The following BET1 variants were observed in gnomAD, a reference collection of about 807,000 sequenced individuals.
The protein encoded by BET1 is Bet1 golgi vesicular membrane trafficking protein.
In BET1, 9 loss-of-function variants were observed where a neutral mutation model predicts 13.9. The observed-to-expected ratio is 0.65, with a 90% confidence interval of 0.39 to 1.13. The LOEUF (loss-of-function observed/expected upper bound fraction) is 1.13. Ranked by LOEUF, BET1 falls within the 50% of genes most tolerant of loss-of-function variation. The pLI, the probability that BET1 is intolerant of heterozygous loss-of-function variation, is 0.01. For missense variants in BET1, 127 were observed against 133.6 expected, an observed-to-expected ratio of 0.95 and a Z score of 0.24; for synonymous variants, 39 against 47.3, an observed-to-expected ratio of 0.82 and a Z score of 0.72.
intron 4 of BET1, among the ~76,000 whole-genome samples, chr7:93,979,001 C>T (rs1339446143): frequency 6.6e-6 from 1 of 152,216 alleles, no homozygotes; most frequent in East Asian, 1.9e-4. Flanking sequence ...CTCAAGGCCT[C>T]TGCCACTGGA....
At chr7:93,982,859 C>A (rs1448479002) in intron 4 of BET1, among the ~76,000 whole-genome samples, 1 of 152,148 alleles carries the variant, frequency 6.6e-6, no homozygotes. Flanking sequence ...ACTATCAACA[C>A]CTCTACATAT....
exon 5 of BET1, chr7:93,975,951 G>A: frequency 8.0e-7 from 1 of 1,252,854 alleles, no homozygotes; most frequent in Non-Finnish European, 1.0e-6. Flanking sequence ...ATTTTGACAT[G>A]TCATGATATA....
intron 4 of BET1, among the ~76,000 whole-genome samples, chr7:93,988,042 A>G (rs1584137148): frequency 6.6e-6 from 1 of 152,236 alleles, no homozygotes; most frequent in African/African-American, 2.4e-5. Context: ...ATCAAGCCAT[A>G]TATTTTTATT....
chr7:93,967,748 A>G (rs1290072810), intron 6 of BET1, among the ~76,000 whole-genome samples: 1 of 151,808 alleles, frequency 6.6e-6, no homozygotes, highest in Non-Finnish European at 1.5e-5. Context: ...TCTCACTTCA[A>G]TAAGTGTAAT....
chr7:93,997,717 A>G (rs541214200), intron 2 of BET1, among the ~76,000 whole-genome samples: 1 of 152,354 alleles, frequency 6.6e-6, no homozygotes, highest in Admixed American at 6.5e-5. Context: ...ATAATGCAGT[A>G]TCAATCACAT....
intron 2 of BET1, 76 bp from the exon 3 acceptor site, chr7:93,996,397 C>T (rs1466867557): frequency 1.0e-5 from 11 of 1,054,352 alleles, no homozygotes; most frequent in Non-Finnish European, 1.4e-5. Flanking sequence ...TAATGTCATT[C>T]TAAGCATACA....
At chr7:93,979,109 A>G (rs566508479) in intron 4 of BET1, among the ~76,000 whole-genome samples, 7 of 152,302 alleles carry the variant, frequency 4.6e-5, no homozygotes, top group Non-Finnish European at 1.0e-4. Context: ...GGTGGTATCC[A>G]ATTGGTCAAG....
downstream of BET1, among the ~76,000 whole-genome samples, chr7:93,991,030 T>C (rs1287264353): frequency 2.0e-5 from 3 of 152,168 alleles, no homozygotes; most frequent in African/African-American, 4.8e-5. Flanking sequence ...GATGCCAATA[T>C]ATATACAAAG....
chr7:94,001,803 T>G (rs1795909790), intron 1 of BET1, among the ~76,000 whole-genome samples: 2 of 152,236 alleles, frequency 1.3e-5, no homozygotes, highest in African/African-American at 4.8e-5. Flanking sequence ...AAGTAATTAC[T>G]GACTGGTTGA....
intron 4 of BET1, among the ~76,000 whole-genome samples, chr7:93,986,609 C>A (rs1795532559): frequency 6.6e-6 from 1 of 152,018 alleles, no homozygotes; most frequent in Admixed American, 6.5e-5. Context: ...GGTAAGATGT[C>A]ACCACTTACA....
rs1795712302 is a variant in BET1 at position 93,994,352 on chromosome 7, C to T, written c.235G>A (p.Gly79Ser). Residue 79 changes from glycine to serine, a missense_variant, in exon 4 of 4, where the codon GGT becomes AGT. Transcript: ENST00000222547. ...ATCTTCAGTTTGCCCATAGTTTTAC[C>T]TAGAAATCCAGTTGTGGAATCAAAT... ...SQFDSTTGFL[G>S]KTMGKLKILS... The T allele has an allele frequency of 1.2e-6, 2 of 1,613,580 alleles. No individual in the cohort carries two copies. The highest frequency in any genetic ancestry group is 8.5e-7 in the Non-Finnish European group (1 of 1,179,736).
chr7:93,993,512 T>C lies in BET1; in HGVS notation c.*718A>G. ...ATTCTGTCACAAATGATAAATGTGC[T>C]ACCTATGTAGTAAAAATCATAAAAC... On this transcript the variant is annotated 3_prime_UTR_variant, in exon 4 of 4. Coordinates refer to ENST00000222547, the MANE Select transcript of BET1 (RefSeq NM_005868.6). 1.0e-6 allele frequency: 1 copy of C among 989,660 alleles called. No homozygotes were observed. The highest frequency in any genetic ancestry group is 4.7e-5 in the South Asian group (1 of 21,262). The allele number at this position is 989,660 out of a possible 1,614,324, so 61.3% of individuals were successfully genotyped here. A position where few individuals can be genotyped will look rare whatever the true frequency, so the allele number is the denominator to read the frequency against.
chr7:93,966,932 A>G (rs1480071221), intron 6 of BET1, among the ~76,000 whole-genome samples: 1 of 151,874 alleles, frequency 6.6e-6, no homozygotes, highest in African/African-American at 2.4e-5. Context: ...ATGCTTCTAA[A>G]TATACTCTTT....
chr7:93,993,828 G>A lies in BET1; in HGVS notation c.*402C>T, dbSNP rs1158054934. ...TCAATTACCATTTTACCACAAACTG[G>A]CTGACTACTTCAAGAGCTCAGAGTC... On this transcript the variant is annotated 3_prime_UTR_variant, in exon 4 of 4. Transcript: ENST00000222547. 6.5e-7 allele frequency: 1 copy of A among 1,530,478 alleles called. No individual in the cohort carries two copies. Among genetic ancestry groups the A allele is most frequent in the East Asian group, 2.5e-5 (1 of 40,720 alleles). The allele number at this position is 1,530,478 out of a possible 1,614,324, so 94.8% of individuals were successfully genotyped here. A position where few individuals can be genotyped will look rare whatever the true frequency, so the allele number is the denominator to read the frequency against.
chr7:93,996,851 T>C (rs1044745797), intron 2 of BET1, among the ~76,000 whole-genome samples: 3 of 151,816 alleles, frequency 2.0e-5, no homozygotes, highest in African/African-American at 4.8e-5. Flanking sequence ...CCCAACCTTA[T>C]TACATTTTGA....
chr7:93,996,357 T>A, intron 2 of BET1, 36 bp from the exon 3 acceptor site: 1 of 1,408,938 alleles, frequency 7.1e-7, no homozygotes, highest in East Asian at 2.5e-5. Context: ...ATTACTCACA[T>A]AAAAGTATTC....
At chr7:94,002,056 A>T (rs909001769) in intron 1 of BET1, among the ~76,000 whole-genome samples, 3 of 152,240 alleles carry the variant, frequency 2.0e-5, no homozygotes, top group Admixed American at 6.5e-5. Flanking sequence ...GACAAAAGTA[A>T]AAACCAAATA....
At chr7:93,974,053 A>T (rs1367768106) in intron 5 of BET1, among the ~76,000 whole-genome samples, 1 of 151,974 alleles carries the variant, frequency 6.6e-6, no homozygotes, top group Non-Finnish European at 1.5e-5. Flanking sequence ...CTAGGGTTGA[A>T]AAAAATACAT....
chr7:93,989,998 C>T (rs1795600540), downstream of BET1, among the ~76,000 whole-genome samples: 1 of 151,978 alleles, frequency 6.6e-6, no homozygotes, highest in Admixed American at 6.6e-5. Flanking sequence ...CTTTAATAGA[C>T]ATCATCATAA....
Sources: allele counts gnomAD v4.1 joint callset (sites outside exome capture counted in the v4.1 genomes callset), GRCh38; gene constraint gnomAD v4.1.1; transcripts MANE v1.5; gene names NCBI Gene and HGNC (gene_info 2026-07-23, HGNC 2026-07-21).